OR4N2: variants seen among roughly 807,000 people sequenced by gnomAD.
The protein encoded by OR4N2 is olfactory receptor family 4 subfamily N member 2, also known as olfactory receptor 4N2.
For synonymous variants in OR4N2, 141 were observed against 140.4 expected (o/e 1.00, Z -0.03); for missense variants, 307 against 377.6 (o/e 0.81, Z 1.55).
chr14:19,810,294 C>T (rs1047138674), intron 1 of OR4N2, among the ~76,000 whole-genome samples: 3 of 152,190 alleles, frequency 2.0e-5, no homozygotes, highest in Admixed American at 2.0e-4. Flanking sequence ...AACGAGATAC[C>T]AACTCACAGC....
intron 1 of OR4N2, among the ~76,000 whole-genome samples, chr14:19,815,431 A>C (rs1879399292): frequency 6.6e-6 from 1 of 152,110 alleles, no homozygotes. Flanking sequence ...AGTGATGATG[A>C]GCTTTTTTTT....
chr14:19,805,125 G>C (rs1308286629), intron 1 of OR4N2, among the ~76,000 whole-genome samples: 3 of 152,178 alleles, frequency 2.0e-5, no homozygotes, highest in Admixed American at 6.5e-5. Flanking sequence ...AGAGAATACA[G>C]TTGGGTCTTG....
At chr14:19,818,291 T>C (rs1173782801) in intron 1 of OR4N2, among the ~76,000 whole-genome samples, 1 of 151,522 alleles carries the variant, frequency 6.6e-6, no homozygotes, top group Non-Finnish European at 1.5e-5. Context: ...TGTTAAAATC[T>C]CCCACTATTA....
At chr14:19,818,091 A>G (rs1011340241) in intron 1 of OR4N2, among the ~76,000 whole-genome samples, 83 of 152,280 alleles carry the variant, frequency 5.5e-4, no homozygotes, top group African/African-American at 1.9e-3. Context: ...TTTGCTGAGG[A>G]GTGCTTTACT....
chr14:19,808,036 C>G (rs1270600157), intron 1 of OR4N2, among the ~76,000 whole-genome samples: 2 of 152,098 alleles, frequency 1.3e-5, no homozygotes, highest in Non-Finnish European at 2.9e-5. Flanking sequence ...ATCCAACATC[C>G]CTTCATGATA....
At chr14:19,819,919 G>A (rs1482762360) in intron 1 of OR4N2, among the ~76,000 whole-genome samples, 1 of 152,268 alleles carries the variant, frequency 6.6e-6, no homozygotes, top group Non-Finnish European at 1.5e-5. Context: ...CTGTTTGTTA[G>A]TTTTCCTTCT....
intron 1 of OR4N2, among the ~76,000 whole-genome samples, chr14:19,807,458 T>C (rs1041263226): frequency 2.0e-5 from 3 of 152,082 alleles, no homozygotes; most frequent in Non-Finnish European, 2.9e-5. Flanking sequence ...AGCAACTCTA[T>C]GCATACAAAT....
chr14:19,804,352 T>TA (rs1195067417), intron 1 of OR4N2, among the ~76,000 whole-genome samples: 7 of 152,008 alleles, frequency 4.6e-5, no homozygotes, highest in African/African-American at 1.7e-4. Context: ...GATATAAACT[T>TA]ACCTCTTAAT....
intron 1 of OR4N2, among the ~76,000 whole-genome samples, chr14:19,808,147 G>A (rs1315240247): frequency 6.6e-6 from 1 of 152,116 alleles, no homozygotes; most frequent in African/African-American, 2.4e-5. Context: ...GGCAAAAGCT[G>A]GAAGTATTCC....
At chr14:19,825,597 C>T (rs1343336889) in intron 1 of OR4N2, among the ~76,000 whole-genome samples, 19 of 151,990 alleles carry the variant, frequency 1.3e-4, no homozygotes, top group African/African-American at 4.1e-4. Flanking sequence ...GCTCTGTCGC[C>T]CAGGCTGGAG....
At chr14:19,819,870 G>C (rs1248859115) in intron 1 of OR4N2, among the ~76,000 whole-genome samples, 1 of 152,182 alleles carries the variant, frequency 6.6e-6, no homozygotes, top group Admixed American at 6.5e-5. Flanking sequence ...GGGGTTTTTG[G>C]GTGGACATCC....
At chr14:19,818,117 A>C (rs1879473833) in intron 1 of OR4N2, among the ~76,000 whole-genome samples, 1 of 152,248 alleles carries the variant, frequency 6.6e-6, no homozygotes. Context: ...GTATGTGGTC[A>C]ATTTTATAAT....
chr14:19,809,793 G>A (rs1171231009), intron 1 of OR4N2, among the ~76,000 whole-genome samples: 2 of 152,208 alleles, frequency 1.3e-5, no homozygotes, highest in Non-Finnish European at 2.9e-5. Flanking sequence ...TAATGGGCAA[G>A]CCACATGCAA....
chr14:19,817,849 A>T (rs1879466423), intron 1 of OR4N2, among the ~76,000 whole-genome samples: 1 of 152,258 alleles, frequency 6.6e-6, no homozygotes. Context: ...TCCTCTAAAC[A>T]CTGCATTAGC....
Position 19,827,822 on chromosome 14 carries a change from C to T in OR4N2, c.374C>T (p.Ala125Val), listed in dbSNP as rs1566469784. 3.1e-6 allele frequency: 5 copies of T among 1,614,254 alleles called. No individual in the cohort carries two copies. The highest frequency in any genetic ancestry group is 1.1e-5 in the South Asian group (1 of 91,082). Residue 125 changes from alanine (A) to valine (V), a missense_variant, in exon 2 of 2, where the codon GCC becomes GTC. Transcript: ENST00000557677. ...LVVMAFDRYI[A>V]ICRPLHYPTV... is the part of the protein sequence containing the mutation. Reference sequence around the variant, plus strand: ...GTGATGGCCTTTGACCGCTACATCGCCATCTGCCGGCCTCTGCACTATCCT... The same window carrying T: ...GTGATGGCCTTTGACCGCTACATCGTCATCTGCCGGCCTCTGCACTATCCT...
At chr14:19,821,933 A>T (rs1336116901) in intron 1 of OR4N2, 1 of 152,294 alleles carries the variant, frequency 6.6e-6, no homozygotes, top group Non-Finnish European at 1.5e-5. Context: ...TCTTACTAGG[A>T]GAGGGAGGAT....
At chr14:19,810,402 A>C (rs139184994) in intron 1 of OR4N2, among the ~76,000 whole-genome samples, 12,372 of 149,808 alleles carry the variant, frequency 0.083, 103 homozygotes, top group East Asian at 0.18. Flanking sequence ...AATGTAAATT[A>C]GTTCAGCCAT....
At chr14:19,805,188 T>C (rs1221104590) in intron 1 of OR4N2, among the ~76,000 whole-genome samples, 1 of 152,086 alleles carries the variant, frequency 6.6e-6, no homozygotes, top group African/African-American at 2.4e-5. Flanking sequence ...ATTTAACTCA[T>C]TTACATTCAA....
At chr14:19,811,512 C>G (rs945607948) in intron 1 of OR4N2, among the ~76,000 whole-genome samples, 2 of 152,240 alleles carry the variant, frequency 1.3e-5, no homozygotes, top group African/African-American at 4.8e-5. Context: ...CCCCAAAGTG[C>G]TGGGACTATA....
Sources: allele counts gnomAD v4.1 joint callset (sites outside exome capture counted in the v4.1 genomes callset), GRCh38; gene constraint gnomAD v4.1.1; transcripts MANE v1.5; gene names NCBI Gene and HGNC (gene_info 2026-07-23, HGNC 2026-07-21).